EIPR1: variants seen among roughly 807,000 people sequenced by gnomAD.
The protein encoded by EIPR1 is EARP complex and GARP complex interacting protein 1.
Under a neutral mutation model 48.1 loss-of-function variants are expected in EIPR1, and 25 were observed. That is an observed-to-expected ratio of 0.52 (90% confidence interval 0.38 to 0.73). The LOEUF is 0.73. Ranked by LOEUF, EIPR1 falls within the 30% of genes least tolerant of loss-of-function variation. The pLI is 0.00. For missense variants in EIPR1, 415 were observed against 506.2 expected (o/e 0.82, Z 1.73); for synonymous variants, 204 against 201.9 (o/e 1.01, Z -0.09).
intron 1 of EIPR1, among the ~76,000 whole-genome samples, chr2:3,363,662 T>C (rs910672390): frequency 1.3e-5 from 2 of 152,136 alleles, no homozygotes; most frequent in Admixed American, 6.5e-5. Context: ...TCCAGCCTGC[T>C]TGACAGAGTG....
At chr2:3,324,664 T>C (rs560632028) in intron 3 of EIPR1, among the ~76,000 whole-genome samples, 2 of 152,350 alleles carry the variant, frequency 1.3e-5, no homozygotes, top group East Asian at 3.9e-4. Flanking sequence ...GTCACTCTAA[T>C]AATCAGTCTC....
intron 3 of EIPR1, among the ~76,000 whole-genome samples, chr2:3,290,771 A>G (rs1668340539): frequency 6.6e-6 from 1 of 152,262 alleles, no homozygotes. Flanking sequence ...GAGAGGCCCC[A>G]TGAAATGGAC....
At chr2:3,263,937 A>C (rs1419122399) in intron 3 of EIPR1, among the ~76,000 whole-genome samples, 1 of 152,242 alleles carries the variant, frequency 6.6e-6, no homozygotes, top group Non-Finnish European at 1.5e-5. Context: ...TCATATTTGC[A>C]TTACCTTACA....
chr2:3,244,529 C>G lies in EIPR1; in HGVS notation c.416+12770G>C, dbSNP rs187364264. Among the ~76,000 whole-genome samples, 353 of 152,256 alleles carry G rather than the reference C, an allele frequency of 2.3e-3. 7 individuals are homozygous for G. Among genetic ancestry groups the G allele is most frequent in the Non-Finnish European group, 5.1e-4 (35 of 68,018 alleles). ...AAGTGAAAGTATTAGGAGTCAGAGC[C>G]TCCGGAAGGTAATCAGATCATGAGG... On this transcript the variant is annotated intron_variant, in intron 4 of 8. Coordinates refer to ENST00000382125, the MANE Select transcript of EIPR1 (RefSeq NM_003310.5).
At chr2:3,329,968 C>T (rs1669836603) in intron 3 of EIPR1, among the ~76,000 whole-genome samples, 1 of 152,050 alleles carries the variant, frequency 6.6e-6, no homozygotes, top group Non-Finnish European at 1.5e-5. Context: ...GTCTACCCAC[C>T]ATGCTCTAAT....
intron 1 of EIPR1, among the ~76,000 whole-genome samples, chr2:3,356,528 C>T (rs940733535): frequency 5.9e-5 from 9 of 152,206 alleles, no homozygotes; most frequent in African/African-American, 2.2e-4. Context: ...TTAGGACAAG[C>T]ATTAACTGCA....
At chr2:3,248,749 C>T (rs930258659) in intron 4 of EIPR1, among the ~76,000 whole-genome samples, 37 of 152,188 alleles carry the variant, frequency 2.4e-4, no homozygotes, top group Admixed American at 1.6e-3. Context: ...CCAGACTGGG[C>T]GACAAAGTGA....
intron 3 of EIPR1, among the ~76,000 whole-genome samples, chr2:3,326,969 C>T (rs893350672): frequency 1.2e-4 from 19 of 152,220 alleles, no homozygotes; most frequent in Non-Finnish European, 2.8e-4. Flanking sequence ...GCCGAAGCTG[C>T]GTGGCCTCTG....
At chr2:3,324,817 G>T (rs1016044025) in intron 3 of EIPR1, among the ~76,000 whole-genome samples, 8 of 150,686 alleles carry the variant, frequency 5.3e-5, no homozygotes, top group African/African-American at 1.9e-4. Flanking sequence ...CGAAGTGGCC[G>T]CTGCCGCGCC....
At chr2:3,372,447 GTT>G (rs2103394678) in intron 1 of EIPR1, among the ~76,000 whole-genome samples, 1 of 151,698 alleles carries the variant, frequency 6.6e-6, no homozygotes, top group Non-Finnish European at 1.5e-5. Context: ...CCAGGAGCTG[GTT>G]TTTTGAAAGG....
rs113798367 is a variant in EIPR1, at chr2:3,324,794, G to A, written c.259+13223C>T. Among the ~76,000 whole-genome samples, 1,119 of 152,284 alleles carry A rather than the reference G, an allele frequency of 7.3e-3. 13 individuals are homozygous for A. Among genetic ancestry groups the A allele is most frequent in the African/African-American group, 0.026 (1,063 of 41,568 alleles). On this transcript the variant is annotated intron_variant, in intron 3 of 8. Coordinates refer to ENST00000382125, the MANE Select transcript of EIPR1 (RefSeq NM_003310.5). ...GCCGGGGGGAGTGCAGGCGGCCTGC[G>A]CGCTCAGACTTCCGAAGTGGCCGCT... is the stretch of plus-strand genomic sequence containing the variant.
At chr2:3,274,202 A>G in intron 3 of EIPR1, 2 of 1,392,774 alleles carry the variant, frequency 1.4e-6, no homozygotes, top group Non-Finnish European at 1.9e-6. Context: ...AACAGAAAAC[A>G]GCAGGCACAA....
chr2:3,285,721 C>T (rs1372472391), intron 3 of EIPR1, among the ~76,000 whole-genome samples: 1 of 106,324 alleles, frequency 9.4e-6, no homozygotes, highest in African/African-American at 3.8e-5. Context: ...TCGCACGGAG[C>T]AGAAGTCACC....
intron 6 of EIPR1, among the ~76,000 whole-genome samples, chr2:3,195,138 A>G (rs899688389): frequency 1.3e-5 from 2 of 152,196 alleles, no homozygotes; most frequent in Non-Finnish European, 2.9e-5. Context: ...TATCCTGCCT[A>G]TGGCCCTGAT....
intron 4 of EIPR1, among the ~76,000 whole-genome samples, chr2:3,244,458 G>GC (rs973948740): frequency 6.6e-6 from 1 of 152,010 alleles, no homozygotes; most frequent in Non-Finnish European, 1.5e-5. Flanking sequence ...CTTGTTGGAA[G>GC]CCCCCCACCC....
At chr2:3,295,579 T>TC (rs1668544299) in intron 3 of EIPR1, among the ~76,000 whole-genome samples, 1 of 99,576 alleles carries the variant, frequency 1.0e-5, no homozygotes, top group East Asian at 3.5e-4. Context: ...ACACACACCC[T>TC]CCATCCAGCC....
At chr2:3,337,574 C>T (rs1045075555) in intron 3 of EIPR1, among the ~76,000 whole-genome samples, 1 of 152,258 alleles carries the variant, frequency 6.6e-6, no homozygotes, top group South Asian at 2.1e-4. Flanking sequence ...GAGAGCACAA[C>T]GGCGGGCAGG....
At chr2:3,227,085 A>C (rs181288449) in intron 4 of EIPR1, among the ~76,000 whole-genome samples, 1 of 152,342 alleles carries the variant, frequency 6.6e-6, no homozygotes, top group East Asian at 1.9e-4. Flanking sequence ...GCACTGCTGT[A>C]AAGACACCCG....
At chr2:3,362,083 G>A (rs1268032331) in intron 1 of EIPR1, among the ~76,000 whole-genome samples, 3 of 152,180 alleles carry the variant, frequency 2.0e-5, no homozygotes, top group Non-Finnish European at 4.4e-5. Flanking sequence ...AGCCAGACCC[G>A]CACTAAGCGC....
Sources: allele counts gnomAD v4.1 joint callset (sites outside exome capture counted in the v4.1 genomes callset), GRCh38; gene constraint gnomAD v4.1.1; transcripts MANE v1.5; gene names NCBI Gene and HGNC (gene_info 2026-07-23, HGNC 2026-07-21).